The following CCDC63 variants were observed in gnomAD, a reference collection of about 807,000 sequenced individuals.
CCDC63 encodes coiled-coil domain-containing protein 63.
A neutral mutation model predicts 63.6 loss-of-function variants in CCDC63; 54 were observed. That is an observed-to-expected ratio of 0.85 (90% CI 0.68 to 1.07). The LOEUF is 1.07. CCDC63 is among the 50% of genes least tolerant of loss of function. CCDC63 has a pLI of 0.00. For synonymous variants in CCDC63, 253 were observed against 266.1 expected (o/e 0.95, Z 0.48); for missense variants, 637 against 689.6 (o/e 0.92, Z 0.86).
At chr12:110,853,066 T>G in intron 2 of CCDC63, 103 bp downstream of exon 2, 86 of 1,288,292 alleles carry the variant, frequency 6.7e-5, no homozygotes, top group Non-Finnish European at 8.9e-5. Flanking sequence ...AACAGATCTG[T>G]GCTCACCCAT....
rs1251026369 is a variant in CCDC63, at chr12:110,866,944, G to A, written c.370-6898G>A. Among the ~76,000 whole-genome samples the A allele has an allele frequency of 3.5e-5, 5 of 142,298 alleles. No individual in the cohort carries two copies. In the South Asian group the frequency reaches 1.1e-3, roughly 32 times the overall value. The allele number at this position is 142,298 out of a possible 152,430, so 93.4% of individuals were successfully genotyped here. A position where few individuals can be genotyped will look rare whatever the true frequency, so the allele number is the denominator to read the frequency against. On this transcript the variant is annotated intron_variant, in intron 4 of 11. Coordinates refer to ENST00000308208, the MANE Select transcript of CCDC63 (RefSeq NM_152591.3). Reference sequence around the variant, plus strand: ...CGGGACGGGGCGGCTGGCCGGGCGGGGGGCTGACCCCCCCACCTCCCTCCC... The same window carrying A: ...CGGGACGGGGCGGCTGGCCGGGCGGAGGGCTGACCCCCCCACCTCCCTCCC...
At chr12:110,847,353 C>A (rs1281113858) in intron 1 of CCDC63, among the ~76,000 whole-genome samples, 1 of 152,092 alleles carries the variant, frequency 6.6e-6, no homozygotes, top group Non-Finnish European at 1.5e-5. Flanking sequence ...CGCTTGAGCC[C>A]AGGGGTTCGA....
chr12:110,904,714 T>C lies in CCDC63; in HGVS notation c.1469T>C (p.Leu490Pro), dbSNP rs2071535769. ...AACCCTTTCTGGGGTGGCTCTGCCC[T>C]CCTCAAGCCCCCAGAACCCATCAAA... ...FINPFWGGSALLKPPEPIKVI... is the reference protein window; with the variant it reads ...FINPFWGGSAPLKPPEPIKVI... Residue 490 changes from leucine (L) to proline (P), a missense_variant, in exon 11 of 12, where the codon CTC becomes CCC. By Grantham distance (98) the Leu-to-Pro change is moderately conservative (BLOSUM62 -3). Coordinates refer to ENST00000308208, the MANE Select transcript of CCDC63 (RefSeq NM_152591.3). 1.2e-6 allele frequency: 2 copies of C among 1,614,026 alleles called. No individual in the cohort carries two copies. Among genetic ancestry groups the C allele is most frequent in the East Asian group, 4.5e-5 (2 of 44,860 alleles).
At chr12:110,882,718 G>A (rs140381242) in intron 7 of CCDC63, among the ~76,000 whole-genome samples, 85 of 152,200 alleles carry the variant, frequency 5.6e-4, no homozygotes, top group African/African-American at 2.0e-3. Flanking sequence ...TAAACTGCTG[G>A]GCATGGTGGC....
At position 110,895,195 on chromosome 12, in the gene CCDC63, C is replaced by T. The variant is rs185956811; in HGVS notation, c.1149+2045C>T. On this transcript the variant is annotated intron_variant, in intron 9 of 11. Transcript: ENST00000308208. Reference sequence around the variant, plus strand: ...GTGGCACGATCTCGGTTCACTGCAACCTCCACCTCCCGGGTTCATGCGATT... The same window carrying T: ...GTGGCACGATCTCGGTTCACTGCAATCTCCACCTCCCGGGTTCATGCGATT... Among the ~76,000 whole-genome samples, 360 of 152,292 alleles carry T rather than the reference C, an allele frequency of 2.4e-3. 2 individuals carry two copies. Among genetic ancestry groups the T allele is most frequent in the Non-Finnish European group, 3.9e-3 (267 of 68,038 alleles).
At chr12:110,852,761 G>C (rs999467071) in intron 1 of CCDC63, 98 bp from the exon 2 acceptor site, 1 of 750,978 alleles carries the variant, frequency 1.3e-6, no homozygotes, top group African/African-American at 1.7e-5. Flanking sequence ...GGTGTGGGTG[G>C]AGGAAGGGAT....
intron 4 of CCDC63, among the ~76,000 whole-genome samples, chr12:110,867,572 G>A (rs2070983570): frequency 7.4e-6 from 1 of 134,916 alleles, no homozygotes; most frequent in African/African-American, 2.8e-5. Context: ...GGCCGGGCGG[G>A]GGGCTGACCC....
rs375380559 is a variant in CCDC63 at position 110,875,231 on chromosome 12, T to A, written c.489+1270T>A. ...GGATATGGGTTAAAAATACAGATTT[T>A]TGGATTTCCTCCAGATTCACCAAAT... On this transcript the variant is annotated intron_variant, in intron 5 of 11. Transcript: ENST00000308208. 4.6e-5 allele frequency among the ~76,000 whole-genome samples: 7 copies of A among 152,324 alleles called. No individual in the cohort carries two copies. The East Asian group carries it at 9.6e-4, about 21-fold the overall frequency.
Position 110,899,101 on chromosome 12 carries a change from G to A in CCDC63, c.1318G>A (p.Asp440Asn), listed in dbSNP as rs1437529343. The A allele has an allele frequency of 5.6e-6, 9 of 1,612,888 alleles. No individual in the cohort carries two copies. Among genetic ancestry groups the A allele is most frequent in the Non-Finnish European group, 7.6e-6 (9 of 1,179,518 alleles). Reference protein sequence around the residue: ...VQLGETGKVTDINLPQYFAII... With the variant: ...VQLGETGKVTNINLPQYFAII... Reference sequence around the variant, plus strand: ...GTTAGGGGAGACGGGGAAAGTCACTGACATCAACCTTCCGCAGTATTTTGG... The same window carrying A: ...GTTAGGGGAGACGGGGAAAGTCACTAACATCAACCTTCCGCAGTATTTTGG... Residue 440 changes from aspartate to asparagine, a missense_variant, in exon 10 of 12, where the codon GAC (aspartate) becomes AAC (asparagine). Coordinates refer to ENST00000308208, the MANE Select transcript of CCDC63 (RefSeq NM_152591.3).
intron 8 of CCDC63, among the ~76,000 whole-genome samples, chr12:110,886,158 G>A (rs1422387059): frequency 2.0e-5 from 3 of 152,060 alleles, no homozygotes; most frequent in Non-Finnish European, 4.4e-5. Context: ...AGGCCGAGGC[G>A]GGTGGATCAC....
intron 8 of CCDC63, among the ~76,000 whole-genome samples, chr12:110,888,006 G>T (rs2071306295): frequency 6.6e-6 from 1 of 152,172 alleles, no homozygotes; most frequent in African/African-American, 2.4e-5. Flanking sequence ...TGAATTTCTG[G>T]TTTCCCTTGG....
intron 9 of CCDC63, among the ~76,000 whole-genome samples, chr12:110,898,693 A>C (rs968389509): frequency 6.6e-6 from 1 of 152,118 alleles, no homozygotes; most frequent in African/African-American, 2.4e-5. Flanking sequence ...CAAAACTTAC[A>C]TTGAACAATA....
chr12:110,881,308 A>C lies in CCDC63; in HGVS notation c.853+12A>C. ...CAAAAGGGAGGAAGGTACACCCTCC[A>C]GGAGCAAGCTTGTGCTCTCTCACTC... On this transcript the variant is annotated intron_variant, in intron 7 of 11. Transcript: ENST00000308208. 6.2e-7 allele frequency: 1 copy of C among 1,610,238 alleles called. No homozygotes were observed. The highest frequency in any genetic ancestry group is 8.5e-7 in the Non-Finnish European group (1 of 1,178,106).
Position 110,871,484 on chromosome 12 carries a change from CTCCT to C in CCDC63, c.370-2340_370-2337del, listed in dbSNP as rs35694724. ...CTTATCACTCCCAAAAACCATAACA[CTCCT>C]TCCTTCCTTCCTTCCTTTCTTTCTT... is the stretch of plus-strand genomic sequence containing the variant. On this transcript the variant is annotated intron_variant, in intron 4 of 11. Transcript: ENST00000308208. Among the ~76,000 whole-genome samples the C allele has an allele frequency of 3.5e-3, 524 of 149,184 alleles. 1 individual carries two copies. Among genetic ancestry groups the C allele is most frequent in the African/African-American group, 5.8e-3 (235 of 40,582 alleles).
At chr12:110,880,390 T>G (rs534928935) in intron 6 of CCDC63, among the ~76,000 whole-genome samples, 89 of 152,238 alleles carry the variant, frequency 5.8e-4, no homozygotes, top group African/African-American at 2.0e-3. Flanking sequence ...GTGGTGAAGT[T>G]GAGATTCAAA....
At chr12:110,904,554 G>C in intron 10 of CCDC63, 34 bp from the exon 11 acceptor site, 1 of 1,606,744 alleles carries the variant, frequency 6.2e-7, no homozygotes, top group Non-Finnish European at 8.5e-7. Flanking sequence ...CAGGTCTCTC[G>C]GCAGCCATCT....
chr12:110,858,819 G>C (rs775136245), intron 4 of CCDC63, 44 bp downstream of exon 4: 1 of 1,563,612 alleles, frequency 6.4e-7, no homozygotes, highest in African/African-American at 1.3e-5. Context: ...ACAGAGCAAA[G>C]GGGAGGAGTT....
At chr12:110,878,316 C>A (rs1274617060) in intron 5 of CCDC63, among the ~76,000 whole-genome samples, 1 of 151,746 alleles carries the variant, frequency 6.6e-6, no homozygotes, top group Non-Finnish European at 1.5e-5. Flanking sequence ...ACTCACACAC[C>A]CCAATTTCTT....
At position 110,907,121 on chromosome 12, in the gene CCDC63, C is replaced by T. The variant is rs2071598241; in HGVS notation, c.1547-210C>T. On this transcript the variant is annotated intron_variant, in intron 11 of 11. Transcript: ENST00000308208. This position sits in a 1 kb window ranked among gnomAD's most constrained non-coding sequence, Gnocchi z 4.4. Reference sequence around the variant, plus strand: ...GTGGCCCTAACTCCTTAACATTAAACCAGACATTCTTCACATCCTTGTCTG... The same window carrying T: ...GTGGCCCTAACTCCTTAACATTAAATCAGACATTCTTCACATCCTTGTCTG... Among the ~76,000 whole-genome samples, 1 of 152,228 alleles carries T rather than the reference C, an allele frequency of 6.6e-6. No homozygotes were observed. The highest frequency in any genetic ancestry group is 1.5e-5 in the Non-Finnish European group (1 of 68,040).
Sources: allele counts gnomAD v4.1 joint callset (sites outside exome capture counted in the v4.1 genomes callset), GRCh38; gene constraint gnomAD v4.1.1; non-coding constraint Gnocchi (gnomAD v3.1); transcripts MANE v1.5; gene names NCBI Gene and HGNC (gene_info 2026-07-23, HGNC 2026-07-21).